The following SHQ1 variants were observed in gnomAD, a reference collection of about 807,000 sequenced individuals.
SHQ1 encodes the protein SHQ1, H/ACA ribonucleoprotein assembly factor, also known as protein SHQ1 homolog.
A neutral mutation model predicts 53.8 loss-of-function variants in SHQ1; 49 were observed. That is an observed-to-expected ratio of 0.91 (90% CI 0.72 to 1.16). The LOEUF is 1.16. Among genes scored for constraint, SHQ1 ranks in the 50% most tolerant of loss-of-function variants. The pLI, the probability that SHQ1 is intolerant of heterozygous loss-of-function variation, is 0.00. For synonymous variants in SHQ1, 243 were observed against 251.0 expected, an observed-to-expected ratio of 0.97 and a Z score of 0.30; for missense variants, 738 against 683.1, an observed-to-expected ratio of 1.08 and a Z score of -0.90.
chr3:72,733,913 T>C, the SHQ1 span, among the ~76,000 whole-genome samples: 1 of 151,596 alleles, frequency 6.6e-6, no homozygotes, highest in Non-Finnish European at 1.5e-5. Flanking sequence ...TCCTGGGTTG[T>C]AGTCAGGACT....
Position 72,839,936 on chromosome 3 carries a change from A to G in SHQ1, c.486+1109T>C, listed in dbSNP as rs148086171. Among the ~76,000 whole-genome samples, 961 of 151,748 alleles carry G rather than the reference A, an allele frequency of 6.3e-3. 7 individuals are homozygous for G. Among genetic ancestry groups the G allele is most frequent in the African/African-American group, 0.021 (853 of 41,384 alleles). Reference sequence around the variant, plus strand: ...CCACCATGCCTGGCTAATTTTTTGTATTTTTAGTAGAGATGGGGTTTCACC... The same window carrying G: ...CCACCATGCCTGGCTAATTTTTTGTGTTTTTAGTAGAGATGGGGTTTCACC... On this transcript the variant is annotated intron_variant, in intron 4 of 10. Coordinates refer to ENST00000325599, the MANE Select transcript of SHQ1 (RefSeq NM_018130.3).
At chr3:72,816,181 A>T (rs1483556965) in intron 7 of SHQ1, among the ~76,000 whole-genome samples, 1 of 152,174 alleles carries the variant, frequency 6.6e-6, no homozygotes, top group African/African-American at 2.4e-5. Context: ...GAAAATTCTA[A>T]CTCTAATACC....
At chr3:72,823,470 A>C (rs372826091) in intron 6 of SHQ1, among the ~76,000 whole-genome samples, 4 of 152,244 alleles carry the variant, frequency 2.6e-5, no homozygotes, top group East Asian at 3.8e-4. Context: ...GCCACTATAT[A>C]TACTATTTGC....
intron 10 of SHQ1, chr3:72,773,287 G>C (rs1259617953): frequency 1.6e-6 from 1 of 631,984 alleles, no homozygotes; most frequent in Admixed American, 2.1e-5. Flanking sequence ...GGACAAGAAA[G>C]ATAAAGAAAA....
At chr3:72,844,549 C>A in intron 1 of SHQ1, 126 bp from the exon 2 acceptor site, 5 of 773,488 alleles carry the variant, frequency 6.5e-6, no homozygotes, top group Non-Finnish European at 9.1e-6. Flanking sequence ...CTCAGTATTT[C>A]TTTCACATTT....
At chr3:72,729,986 T>C in the SHQ1 span, among the ~76,000 whole-genome samples, 14 of 151,770 alleles carry the variant, frequency 9.2e-5, no homozygotes, top group South Asian at 2.9e-3. Context: ...ACCAGGCTAA[T>C]TTTTTGTATT....
chr3:72,751,772 A>G (rs943452451), intron 10 of SHQ1, among the ~76,000 whole-genome samples: 1 of 152,134 alleles, frequency 6.6e-6, no homozygotes, highest in Non-Finnish European at 1.5e-5. Flanking sequence ...TATTCTGTTA[A>G]CAAGACTGCA....
At chr3:72,809,640 G>A (rs1707058919) in intron 9 of SHQ1, 1 of 152,128 alleles carries the variant, frequency 6.6e-6, no homozygotes, top group Admixed American at 6.6e-5. Flanking sequence ...ATTAAACTAT[G>A]ACTTGTCACT....
chr3:72,784,824 T>C (rs559669858), intron 10 of SHQ1, among the ~76,000 whole-genome samples: 1 of 152,182 alleles, frequency 6.6e-6, no homozygotes, highest in Admixed American at 6.5e-5. Context: ...TGTAGATTTA[T>C]TATAAACATC....
At position 72,775,393 on chromosome 3, in the gene SHQ1, T is replaced by C. The variant is rs1489592228; in HGVS notation, c.1181+17523A>G. ...GAGAAATAAAGAACCGGAATAGTCCTATAACAATTAGAAAATCTGAATAAA... is the reference window on the plus strand; with the variant it reads ...GAGAAATAAAGAACCGGAATAGTCCCATAACAATTAGAAAATCTGAATAAA... On this transcript the variant is annotated intron_variant, in intron 10 of 10. Transcript: ENST00000325599. 2.7e-5 allele frequency among the ~76,000 whole-genome samples: 4 copies of C among 148,786 alleles called. No individual in the cohort carries two copies. In the South Asian group the frequency reaches 8.5e-4, roughly 32 times the overall value.
chr3:72,807,078 G>A (rs528731789), intron 9 of SHQ1, among the ~76,000 whole-genome samples: 24 of 152,250 alleles, frequency 1.6e-4, no homozygotes, highest in African/African-American at 5.8e-4. Flanking sequence ...ACAAATCAAT[G>A]AATAAATGAA....
intron 10 of SHQ1, among the ~76,000 whole-genome samples, chr3:72,754,809 T>C (rs1243371133): frequency 6.6e-6 from 1 of 152,240 alleles, no homozygotes; most frequent in Non-Finnish European, 1.5e-5. Flanking sequence ...GACTAATATA[T>C]TTAGCTTAAC....
chr3:72,736,999 G>C, the SHQ1 span, among the ~76,000 whole-genome samples: 2 of 151,988 alleles, frequency 1.3e-5, no homozygotes, highest in Non-Finnish European at 2.9e-5. Context: ...GCCGGGGGTG[G>C]TGGCTCATGC....
At chr3:72,752,059 A>G (rs892894806) in intron 10 of SHQ1, among the ~76,000 whole-genome samples, 1 of 152,186 alleles carries the variant, frequency 6.6e-6, no homozygotes, top group Non-Finnish European at 1.5e-5. Context: ...AAAAATGGGA[A>G]ACAGCCAAAT....
At position 72,832,456 on chromosome 3, in the gene SHQ1, A is replaced by C; in HGVS notation, c.512T>G (p.Ile171Ser). The C allele has an allele frequency of 6.2e-7, 1 of 1,612,606 alleles. No individual in the cohort carries two copies. The highest frequency in any genetic ancestry group is 1.7e-5 in the Admixed American group (1 of 59,940). The change falls in exon 5 of 11, where the codon ATT becomes AGT. Residue 171 changes from isoleucine (I) to serine (S), a missense_variant. Physicochemically the swap from Ile to Ser is moderately radical, Grantham distance 142 (BLOSUM62 -2). Coordinates refer to ENST00000325599, the MANE Select transcript of SHQ1 (RefSeq NM_018130.3). ...LQDELSDVIDIKDPDFTPAAE... is the reference protein window; with the variant it reads ...LQDELSDVIDSKDPDFTPAAE... ...TGCAGGGGTGAAATCTGGATCCTTA[A>C]TATCAATAACATCACTCAGTTCATC...
At chr3:72,773,053 G>A in intron 10 of SHQ1, 1 of 906,316 alleles carries the variant, frequency 1.1e-6, no homozygotes, top group East Asian at 2.5e-5. Flanking sequence ...AGAAATGACT[G>A]AGTCCATGTT....
intron 10 of SHQ1, among the ~76,000 whole-genome samples, chr3:72,751,371 G>A (rs1228705309): frequency 6.6e-6 from 1 of 151,814 alleles, no homozygotes; most frequent in Non-Finnish European, 1.5e-5. Context: ...AGTGAGCCAA[G>A]ATCACACCAC....
chr3:72,847,254 G>GA (rs954039150), intron 1 of SHQ1, among the ~76,000 whole-genome samples: 1 of 152,156 alleles, frequency 6.6e-6, no homozygotes, highest in Admixed American at 6.5e-5. Context: ...CAGCAACAGT[G>GA]AAAAAACCAC....
chr3:72,810,450 A>T (rs2106850913), intron 9 of SHQ1, among the ~76,000 whole-genome samples: 1 of 152,324 alleles, frequency 6.6e-6, no homozygotes, highest in East Asian at 1.9e-4. Context: ...TTATAATGAA[A>T]TATTCTGTAG....
Sources: gnomAD v4.1 joint callset for allele counts (sites outside exome capture counted in the v4.1 genomes callset) on GRCh38, gnomAD v4.1.1 for gene constraint, MANE v1.5 for transcripts, NCBI Gene and HGNC (gene_info 2026-07-23, HGNC 2026-07-21) for gene names.